The following HHIPL1 variants were observed in gnomAD, a reference collection of about 807,000 sequenced individuals.
HHIPL1 encodes HHIP-like protein 1.
In HHIPL1, 43 loss-of-function variants were observed where a neutral mutation model predicts 61.8. The observed-to-expected ratio is 0.70, with a 90% CI of 0.55 to 0.90. The LOEUF (loss-of-function observed/expected upper bound fraction) is 0.90. Among genes scored for constraint, HHIPL1 ranks in the 40% least tolerant of loss-of-function variants. HHIPL1 has a pLI of 0.00. For synonymous variants in HHIPL1, 482 were observed against 515.8 expected (o/e 0.93, Z 0.89); for missense variants, 1,056 against 1,157.7 (o/e 0.91, Z 1.28).
Position 99,652,758 on chromosome 14 carries a change from C to G in HHIPL1, c.790C>G (p.Arg264Gly). ...IAFHPSFQHN[R>G]RLYVYYSVGI... ...CTTCCACCCCAGCTTCCAGCACAAC[C>G]GCAGGCTCTACGTCTACTACTCAGT... The change falls in exon 2 of 9, where the codon CGC becomes GGC. Residue 264 changes from arginine to glycine, a missense_variant. By Grantham distance (125) the Arg-to-Gly change is moderately radical (BLOSUM62 -2). Coordinates refer to ENST00000330710, the MANE Select transcript of HHIPL1 (RefSeq NM_001127258.3). The G allele has an allele frequency of 1.9e-6, 3 of 1,614,028 alleles. No homozygotes were observed. Among genetic ancestry groups the G allele is most frequent in the Non-Finnish European group, 2.5e-6 (3 of 1,180,038 alleles).
intron 2 of HHIPL1, among the ~76,000 whole-genome samples, chr14:99,654,478 A>G (rs916450407): frequency 5.3e-5 from 8 of 152,232 alleles, no homozygotes; most frequent in South Asian, 4.1e-4. Context: ...GCTCCTGCCA[A>G]TGCTGTCCAC....
rs2056136812 is a variant in HHIPL1, at chr14:99,660,626, C to A, written c.1502+220C>A. ...CAGGCCTCAGTACCTCTATGATAGA[C>A]ACACAACTCATGGCATTAAAGACTG... is the stretch of plus-strand genomic sequence containing the variant. On this transcript the variant is annotated intron_variant, in intron 5 of 8. Coordinates refer to ENST00000330710, the MANE Select transcript of HHIPL1 (RefSeq NM_001127258.3). This position sits in a 1 kb window ranked among gnomAD's most constrained non-coding sequence, Gnocchi z 4.9. Among the ~76,000 whole-genome samples the A allele has an allele frequency of 6.6e-6, 1 of 152,202 alleles. No individual in the cohort carries two copies. Among genetic ancestry groups the A allele is most frequent in the African/African-American group, 2.4e-5 (1 of 41,452 alleles).
upstream of HHIPL1, among the ~76,000 whole-genome samples, chr14:99,641,497 T>G (rs1595140692): frequency 6.6e-6 from 1 of 151,410 alleles, no homozygotes. Context: ...CACTGCAACC[T>G]CCACCTCCCA....
the HHIPL1 span, among the ~76,000 whole-genome samples, chr14:99,612,986 G>A: frequency 6.6e-6 from 1 of 152,216 alleles, no homozygotes; most frequent in African/African-American, 2.4e-5. Context: ...TTCATGCAGT[G>A]AGGGTGGAAT....
At chr14:99,637,236 GAAAGAAAGAAAGAAAGAAAGAAAGAAA>G in the HHIPL1 span, among the ~76,000 whole-genome samples, 1 of 148,562 alleles carries the variant, frequency 6.7e-6, no homozygotes, top group African/African-American at 2.6e-5. Flanking sequence ...AAGAAAGAAA[GAAAGAAAGAAAGAAAGAAAGAAAGAAA>G]GAAAAAGTGT....
the HHIPL1 span, among the ~76,000 whole-genome samples, chr14:99,616,945 C>A: frequency 6.6e-6 from 1 of 152,118 alleles, no homozygotes; most frequent in Non-Finnish European, 1.5e-5. Flanking sequence ...TTCTAGGAAG[C>A]TTTGGTTGCA....
At chr14:99,632,934 G>A in the HHIPL1 span, among the ~76,000 whole-genome samples, 1 of 151,882 alleles carries the variant, frequency 6.6e-6, no homozygotes, top group Non-Finnish European at 1.5e-5. Context: ...TGTATGGATG[G>A]GGGAGTGAGG....
rs1348050593 is a variant in HHIPL1, at chr14:99,652,377, G to A, written c.409G>A (p.Ala137Thr). The A allele has an allele frequency of 6.2e-7, 1 of 1,614,210 alleles. No individual in the cohort carries two copies. ...RHLSTDQELW[A>T]LEGNLARFCR... ...CCTGTCAACTGACCAGGAGCTCTGGGCGCTGGAGGGCAACCTTGCCAGGTT... is the reference window on the plus strand; with the variant it reads ...CCTGTCAACTGACCAGGAGCTCTGGACGCTGGAGGGCAACCTTGCCAGGTT... Residue 137 changes from alanine (A) to threonine (T), a missense_variant, in exon 2 of 9, where the codon GCG (alanine) becomes ACG (threonine). Coordinates refer to ENST00000330710, the MANE Select transcript of HHIPL1 (RefSeq NM_001127258.3).
intron 1 of HHIPL1, among the ~76,000 whole-genome samples, chr14:99,647,138 C>G (rs77419534): frequency 3.4e-4 from 51 of 152,162 alleles, no homozygotes; most frequent in Non-Finnish European, 6.3e-4. Context: ...CTCGCTGAAG[C>G]GAGCTCATAT....
At chr14:99,607,490 T>C in the HHIPL1 span, among the ~76,000 whole-genome samples, 1 of 152,068 alleles carries the variant, frequency 6.6e-6, no homozygotes, top group Non-Finnish European at 1.5e-5. Context: ...ATGTGTGTGT[T>C]CATTTAGAGC....
chr14:99,642,820 G>A (rs571221879), upstream of HHIPL1, among the ~76,000 whole-genome samples: 4 of 152,136 alleles, frequency 2.6e-5, no homozygotes, highest in Admixed American at 1.3e-4. Flanking sequence ...CACTGTGCCC[G>A]GCCTTCATTT....
chr14:99,645,258 C>T lies in HHIPL1; in HGVS notation c.51C>T (p.Ala17=), dbSNP rs951249292. The T allele has an allele frequency of 6.4e-6, 9 of 1,396,480 alleles. No individual in the cohort carries two copies. The highest frequency in any genetic ancestry group is 6.0e-5 in the African/African-American group (4 of 66,416). The allele number at this position is 1,396,480 out of a possible 1,614,324, so 86.5% of individuals were successfully genotyped here. A position where few individuals can be genotyped will look rare whatever the true frequency, so the allele number is the denominator to read the frequency against. ...TGCTGGCGCTTTGGGTGCTCGGGGC[C>T]GCCGCGCATCCGCAGTGCCTGGACT... ...GALLALWVLG[A]AAHPQCLDFR... The change falls in exon 1 of 9, where the codon GCC becomes GCT. Residue 17 remains alanine, a synonymous_variant. Transcript: ENST00000330710.
chr14:99,654,625 A>G (rs1051673554), intron 2 of HHIPL1, among the ~76,000 whole-genome samples: 1 of 152,246 alleles, frequency 6.6e-6, no homozygotes, highest in African/African-American at 2.4e-5. Context: ...AGAACAGCAC[A>G]TTGTGTGTTT....
chr14:99,617,035 G>A, the HHIPL1 span, among the ~76,000 whole-genome samples: 1 of 152,228 alleles, frequency 6.6e-6, no homozygotes, highest in East Asian at 1.9e-4. Flanking sequence ...GGGCCGAGAA[G>A]TGGCCCCAGA....
In HHIPL1 at chr14:99,675,960, AC is replaced by A. The variant is rs2056387509; in HGVS notation, c.*335del. 1 of 302,634 alleles carries A rather than the reference AC, an allele frequency of 3.3e-6. No individual in the cohort carries two copies. The highest frequency in any genetic ancestry group is 2.2e-5 in the African/African-American group (1 of 46,016). The allele number at this position is 302,634 out of a possible 1,614,324, so 18.7% of individuals were successfully genotyped here. ...GAGGGAGGGCAGCCAGGCTTCGAGG[AC>A]GGACATGGCCCCTGGCTGTGCTAAC... On this transcript the variant is annotated 3_prime_UTR_variant, in exon 9 of 9. Coordinates refer to ENST00000330710, the MANE Select transcript of HHIPL1 (RefSeq NM_001127258.3). The surrounding 1 kb of genome is among the most constrained non-coding windows in gnomAD (Gnocchi z 5.4).
chr14:99,676,225 T>C lies in HHIPL1; in HGVS notation c.*599T>C. On this transcript the variant is annotated 3_prime_UTR_variant, in exon 9 of 9. Coordinates refer to ENST00000330710, the MANE Select transcript of HHIPL1 (RefSeq NM_001127258.3). ...GTGGGAGCAGGGTGAGCTGCAGGCC[T>C]GGGGCCCCACTGGAGGGGCAGGCTG... 1 of 153,128 alleles carries C rather than the reference T, an allele frequency of 6.5e-6. No homozygotes were observed. The highest frequency in any genetic ancestry group is 1.5e-5 in the Non-Finnish European group (1 of 68,704). The allele number at this position is 153,128 out of a possible 1,614,324, so 9.5% of individuals were successfully genotyped here.
At position 99,662,878 on chromosome 14, in the gene HHIPL1, G is replaced by T; in HGVS notation, c.1505G>T (p.Arg502Leu). The change falls in exon 6 of 9, where the codon CGT (arginine) becomes CTT (leucine). Residue 502 changes from arginine to leucine, a missense_variant and splice_region_variant. Coordinates refer to ENST00000330710, the MANE Select transcript of HHIPL1 (RefSeq NM_001127258.3). Reference sequence around the variant, plus strand: ...TCACAGCTCATCTTCCTTTGCAGGCGTCTGATGTCCCTCCAAGAGAACCCA... The same window carrying T: ...TCACAGCTCATCTTCCTTTGCAGGCTTCTGATGTCCCTCCAAGAGAACCCA... ...LYIFGDFMSGRLMSLQENPGT... is the reference protein window; with the variant it reads ...LYIFGDFMSGLLMSLQENPGT... The T allele has an allele frequency of 1.9e-6, 3 of 1,593,884 alleles. No individual in the cohort carries two copies. Among genetic ancestry groups the T allele is most frequent in the Non-Finnish European group, 2.6e-6 (3 of 1,171,842 alleles).
At chr14:99,622,108 A>G in the HHIPL1 span, among the ~76,000 whole-genome samples, 11 of 152,128 alleles carry the variant, frequency 7.2e-5, no homozygotes, top group Non-Finnish European at 1.5e-4. Flanking sequence ...TTGCTCCTGA[A>G]AGCAGGCTAT....
At chr14:99,623,017 G>A in the HHIPL1 span, among the ~76,000 whole-genome samples, 1 of 152,256 alleles carries the variant, frequency 6.6e-6, no homozygotes, top group Non-Finnish European at 1.5e-5. Context: ...GCCAGGAAGG[G>A]CAGCAATTCT....
Sources: allele counts gnomAD v4.1 joint callset (sites outside exome capture counted in the v4.1 genomes callset), GRCh38; gene constraint gnomAD v4.1.1; non-coding constraint Gnocchi (gnomAD v3.1); transcripts MANE v1.5; gene names NCBI Gene and HGNC (gene_info 2026-07-23, HGNC 2026-07-21).